OPHN1: variants seen among roughly 807,000 people sequenced by gnomAD.
OPHN1 encodes oligophrenin-1.
OPHN1 carries 11 observed loss-of-function variants against 60.7 expected under a neutral mutation model. That is an observed-to-expected ratio of 0.18 (90% CI 0.11 to 0.30). The LOEUF (loss-of-function observed/expected upper bound fraction) is 0.30. Ranked by LOEUF, OPHN1 falls within the 10% of genes least tolerant of loss-of-function variation. OPHN1 has a pLI of 1.00. For synonymous variants in OPHN1, 226 were observed against 222.6 expected (o/e 1.02, Z -0.14); for missense variants, 449 against 611.0 (o/e 0.73, Z 2.80).
intron 2 of OPHN1, among the ~76,000 whole-genome samples, chrX:68,410,810 G>T (rs767910583): frequency 9.0e-6 from 1 of 111,621 alleles, no homozygotes; most frequent in Non-Finnish European, 1.9e-5. Context: ...GTCTCAAAGA[G>T]GTATTTGTAC....
intron 15 of OPHN1, among the ~76,000 whole-genome samples, chrX:68,140,994 T>C (rs976791687): frequency 2.7e-5 from 3 of 111,820 alleles, no homozygotes; most frequent in African/African-American, 9.8e-5. Context: ...TACACTACCC[T>C]TCAAATGGTT....
chrX:68,352,566 A>C (rs2078418766), intron 2 of OPHN1, among the ~76,000 whole-genome samples: 1 of 111,468 alleles, frequency 9.0e-6, no homozygotes, highest in Admixed American at 9.6e-5. Flanking sequence ...AATGAGGCCT[A>C]GATGTTTCCC....
intron 5 of OPHN1, among the ~76,000 whole-genome samples, chrX:68,256,640 C>T (rs770406976): frequency 5.4e-5 from 6 of 111,704 alleles, no homozygotes; most frequent in Admixed American, 9.5e-5. Context: ...ATCATTTTTC[C>T]AACAGCATGT....
At chrX:68,432,323 C>T (rs1218671248) in intron 2 of OPHN1, among the ~76,000 whole-genome samples, 1 of 111,889 alleles carries the variant, frequency 8.9e-6, no homozygotes, top group African/African-American at 3.2e-5. Context: ...AACCATAGCT[C>T]AGTGTGATAA....
intron 5 of OPHN1, among the ~76,000 whole-genome samples, chrX:68,247,189 G>A (rs1402362694): frequency 9.0e-6 from 1 of 110,934 alleles, no homozygotes; most frequent in African/African-American, 3.3e-5. Flanking sequence ...TCTTCTCTAA[G>A]TCTTCCTCAA....
At chrX:68,176,387 A>T (rs1488618120) in intron 15 of OPHN1, among the ~76,000 whole-genome samples, 1 of 111,926 alleles carries the variant, frequency 8.9e-6, no homozygotes, top group Non-Finnish European at 1.9e-5. Flanking sequence ...TTGAATAGAC[A>T]TTCCTTAAAA....
At chrX:68,359,896 C>T (rs1357594579) in intron 2 of OPHN1, among the ~76,000 whole-genome samples, 3 of 96,695 alleles carry the variant, frequency 3.1e-5, no homozygotes, top group Non-Finnish European at 6.1e-5. Context: ...TTGCCTAGTA[C>T]AGCATGAGAG....
chrX:68,141,738 AAG>A (rs768525827), intron 15 of OPHN1, among the ~76,000 whole-genome samples: 5 of 110,857 alleles, frequency 4.5e-5, no homozygotes, highest in African/African-American at 1.6e-4. Flanking sequence ...GAGAAAGTGA[AAG>A]AGAGAGAAAC....
At chrX:68,374,840 A>G (rs1194568875) in intron 2 of OPHN1, among the ~76,000 whole-genome samples, 2 of 112,399 alleles carry the variant, frequency 1.8e-5, no homozygotes, top group Non-Finnish European at 3.7e-5. Context: ...CCAAAGATAC[A>G]TGGATGGCAA....
intron 15 of OPHN1, among the ~76,000 whole-genome samples, chrX:68,126,376 T>C (rs1281291121): frequency 9.0e-6 from 1 of 111,409 alleles, no homozygotes; most frequent in Non-Finnish European, 1.9e-5. Flanking sequence ...TACATTTATC[T>C]GACTAGATGG....
intron 18 of OPHN1, among the ~76,000 whole-genome samples, 197 bp downstream of exon 18, chrX:68,111,657 C>A (rs2077104416): frequency 8.9e-6 from 1 of 111,804 alleles, no homozygotes; most frequent in Non-Finnish European, 1.9e-5. Context: ...TCAACTGAGA[C>A]AATCCACATG....
intron 8 of OPHN1, among the ~76,000 whole-genome samples, chrX:68,211,475 T>C (rs866910061): frequency 8.9e-6 from 1 of 112,721 alleles, no homozygotes; most frequent in Non-Finnish European, 1.9e-5. Flanking sequence ...CTTGCATGCA[T>C]CTTCATGGCA....
At chrX:68,317,820 GAGGAAATCTCA>G (rs201935338) in intron 2 of OPHN1, among the ~76,000 whole-genome samples, 7,524 of 111,183 alleles carry the variant, frequency 0.068, 648 homozygotes, top group African/African-American at 0.24. Flanking sequence ...ATAGGTCAAA[GAGGAAATCTCA>G]AGGAAAATTA....
chrX:68,247,970 C>T (rs1232273034), intron 5 of OPHN1, among the ~76,000 whole-genome samples: 2 of 111,381 alleles, frequency 1.8e-5, no homozygotes, highest in African/African-American at 6.5e-5. Context: ...TTGTCCCCCT[C>T]CACTGCAGTG....
intron 16 of OPHN1, among the ~76,000 whole-genome samples, chrX:68,118,403 T>C (rs1259234133): frequency 8.9e-6 from 1 of 111,837 alleles, no homozygotes. Context: ...AACATTCAAG[T>C]TTATGGAAAG....
intron 23 of OPHN1, among the ~76,000 whole-genome samples, chrX:68,049,672 C>A (rs1420078808): frequency 8.9e-6 from 1 of 111,862 alleles, no homozygotes; most frequent in Non-Finnish European, 1.9e-5. Flanking sequence ...ATTCTTCCCC[C>A]CTTTCTATGA....
chrX:68,363,005 TG>T (rs1304413584), intron 2 of OPHN1, among the ~76,000 whole-genome samples: 1 of 110,926 alleles, frequency 9.0e-6, no homozygotes, highest in Non-Finnish European at 1.9e-5. Context: ...CCCAGCATTT[TG>T]GGATGCCAAG....
At chrX:68,208,803 C>A (rs2077571601) in intron 9 of OPHN1, among the ~76,000 whole-genome samples, 1 of 111,749 alleles carries the variant, frequency 8.9e-6, no homozygotes, top group Admixed American at 9.5e-5. Context: ...GTTGTCACAC[C>A]TGGAGATTAC....
chrX:68,175,042 C>A (rs1292784745), intron 15 of OPHN1, among the ~76,000 whole-genome samples: 1 of 108,857 alleles, frequency 9.2e-6, no homozygotes, highest in Non-Finnish European at 1.9e-5. Flanking sequence ...CGAGGTCGCA[C>A]CATTGCACTC....
Sources: allele counts gnomAD v4.1 joint callset (sites outside exome capture counted in the v4.1 genomes callset), GRCh38; gene constraint gnomAD v4.1.1; transcripts MANE v1.5; gene names NCBI Gene and HGNC (gene_info 2026-07-23, HGNC 2026-07-21).